Variants in MEMO1 observed in about 807,000 individuals in gnomAD.
MEMO1 encodes mediator of cell motility 1.
MEMO1 carries 6 observed loss-of-function variants against 45.2 expected under a neutral mutation model. That is an observed-to-expected ratio of 0.13 (90% CI 0.07 to 0.26). The LOEUF (loss-of-function observed/expected upper bound fraction) is 0.26. Ranked by LOEUF, MEMO1 falls within the 10% of genes least tolerant of loss-of-function variation. The probability of loss-of-function intolerance (pLI) is 1.00; values close to 1 mark genes in which losing one functional copy is unlikely to be tolerated. For missense variants in MEMO1, 184 were observed against 370.5 expected, an observed-to-expected ratio of 0.50 and a Z score of 4.13; for synonymous variants, 78 against 124.3, an observed-to-expected ratio of 0.63 and a Z score of 2.48.
At chr2:31,995,864 T>C (rs1029919651) in intron 2 of MEMO1, among the ~76,000 whole-genome samples, 7 of 151,904 alleles carry the variant, frequency 4.6e-5, no homozygotes, top group Non-Finnish European at 8.8e-5. Context: ...AAGTAAGAAA[T>C]TGTCAAGCGA....
At chr2:31,970,670 T>A (rs1372694912) in intron 2 of MEMO1, among the ~76,000 whole-genome samples, 2 of 151,472 alleles carry the variant, frequency 1.3e-5, no homozygotes, top group African/African-American at 2.4e-5. Flanking sequence ...CACAAAACAC[T>A]TTTTATTAAT....
intron 6 of MEMO1, among the ~76,000 whole-genome samples, chr2:31,899,813 C>G (rs1028036399): frequency 5.9e-5 from 9 of 152,038 alleles, no homozygotes; most frequent in African/African-American, 2.2e-4. Context: ...CTAGAATCTA[C>G]GAAGAACTTA....
chr2:31,955,012 G>A (rs1187505325), intron 2 of MEMO1, among the ~76,000 whole-genome samples: 3 of 151,922 alleles, frequency 2.0e-5, no homozygotes, highest in Admixed American at 1.3e-4. Context: ...AGTCCAAAGA[G>A]GGAGGATCAC....
At chr2:31,871,427 A>T (rs1673709376) in intron 8 of MEMO1, among the ~76,000 whole-genome samples, 1 of 152,178 alleles carries the variant, frequency 6.6e-6, no homozygotes, top group Non-Finnish European at 1.5e-5. Context: ...CAGCATCAAA[A>T]TTTAATTCTA....
chr2:32,002,268 CACATATATACATGT>C (rs1372610963), intron 2 of MEMO1, among the ~76,000 whole-genome samples: 7 of 137,540 alleles, frequency 5.1e-5, no homozygotes, highest in Non-Finnish European at 1.1e-4. Flanking sequence ...TATATACATA[CACATATATACATGT>C]ACATATATAC....
Position 31,868,503 on chromosome 2 carries a change from G to C in MEMO1, c.763-11C>G. Reference sequence around the variant, plus strand: ...GAGCTCTGTGATAGCCTAGAAAAAAGAAAAATTTGGTTAGGACACACATCA... The same window carrying C: ...GAGCTCTGTGATAGCCTAGAAAAAACAAAAATTTGGTTAGGACACACATCA... On this transcript the variant is annotated splice_polypyrimidine_tract_variant and intron_variant, in intron 9 of 9. Coordinates refer to ENST00000404530, the MANE Select transcript of MEMO1 (RefSeq NM_001301833.4). 1 of 1,589,104 alleles carries C rather than the reference G, an allele frequency of 6.3e-7. No individual in the cohort carries two copies. The highest frequency in any genetic ancestry group is 8.6e-7 in the Non-Finnish European group (1 of 1,169,146).
At chr2:31,911,082 AG>A (rs770087403) in intron 6 of MEMO1, among the ~76,000 whole-genome samples, 1 of 152,122 alleles carries the variant, frequency 6.6e-6, no homozygotes, top group African/African-American at 2.4e-5. Flanking sequence ...AGAAAAGGAT[AG>A]TAAGTAAGGT....
At position 31,903,692 on chromosome 2, in the gene MEMO1, G is replaced by C. The variant is rs1679225297; in HGVS notation, c.438-11558C>G. Reference sequence around the variant, plus strand: ...AACATACAGAAAAAGAGGAAACTGAGAAACATAAAGTTACATTTGCTCTAA... The same window carrying C: ...AACATACAGAAAAAGAGGAAACTGACAAACATAAAGTTACATTTGCTCTAA... On this transcript the variant is annotated intron_variant, in intron 6 of 9. Transcript: ENST00000404530. Among the ~76,000 whole-genome samples the C allele has an allele frequency of 3.3e-5, 5 of 152,164 alleles. 2 individuals carry two copies. Among genetic ancestry groups the C allele is most frequent in the Middle Eastern group, 3.4e-3 (1 of 294 alleles).
chr2:31,881,416 G>A (rs1675339792), intron 8 of MEMO1, among the ~76,000 whole-genome samples: 1 of 148,022 alleles, frequency 6.8e-6, no homozygotes. Context: ...GACTGCCTGA[G>A]CCTGGGAGGT....
At chr2:31,994,013 T>C (rs1292857239) in intron 2 of MEMO1, among the ~76,000 whole-genome samples, 1 of 132,662 alleles carries the variant, frequency 7.5e-6, no homozygotes, top group Non-Finnish European at 1.5e-5. Flanking sequence ...CAGGCTTGAG[T>C]GCAGTGACAT....
chr2:31,893,466 G>T (rs1311315045), intron 6 of MEMO1: 1 of 672,338 alleles, frequency 1.5e-6, no homozygotes, highest in Non-Finnish European at 1.9e-6. Context: ...TGAAAGAAAA[G>T]AATTAATTAT....
intron 2 of MEMO1, among the ~76,000 whole-genome samples, chr2:31,971,777 C>A (rs1168638941): frequency 6.6e-6 from 1 of 152,142 alleles, no homozygotes; most frequent in Non-Finnish European, 1.5e-5. Context: ...CAAGACCAGC[C>A]TGGCCAACAT....
At chr2:31,897,832 G>T (rs930303945) in intron 6 of MEMO1, among the ~76,000 whole-genome samples, 2 of 152,078 alleles carry the variant, frequency 1.3e-5, no homozygotes, top group African/African-American at 4.8e-5. Flanking sequence ...ATTCAGCTAT[G>T]AATGCATCTG....
chr2:31,871,933 G>A (rs1196408938), intron 8 of MEMO1, among the ~76,000 whole-genome samples: 1 of 151,548 alleles, frequency 6.6e-6, no homozygotes, highest in Non-Finnish European at 1.5e-5. Context: ...AGAATCGCTT[G>A]AACCTGGGAA....
chr2:31,994,531 G>A (rs1375089484), intron 2 of MEMO1, among the ~76,000 whole-genome samples: 2 of 151,740 alleles, frequency 1.3e-5, no homozygotes, highest in East Asian at 3.9e-4. Flanking sequence ...TCAGGAGGCT[G>A]AGGCACAAGA....
chr2:31,925,370 G>A (rs1227972312), intron 4 of MEMO1, among the ~76,000 whole-genome samples: 2 of 151,394 alleles, frequency 1.3e-5, no homozygotes, highest in Non-Finnish European at 2.9e-5. Flanking sequence ...CAGCTACTCA[G>A]GAGGCTGAGG....
At chr2:31,958,101 A>C (rs1258526376) in intron 2 of MEMO1, among the ~76,000 whole-genome samples, 2 of 152,136 alleles carry the variant, frequency 1.3e-5, no homozygotes, top group East Asian at 3.9e-4. Context: ...GGAATAAAAA[A>C]AGGTAATCAG....
intron 3 of MEMO1, among the ~76,000 whole-genome samples, chr2:31,937,370 T>C (rs984587075): frequency 1.3e-5 from 2 of 152,212 alleles, no homozygotes; most frequent in African/African-American, 4.8e-5. Flanking sequence ...TAGATATTTT[T>C]TGTACTGTCA....
At chr2:31,964,288 C>T (rs1290097128) in intron 2 of MEMO1, among the ~76,000 whole-genome samples, 2 of 150,788 alleles carry the variant, frequency 1.3e-5, no homozygotes, top group Admixed American at 6.6e-5. Context: ...TGCAAGAAAA[C>T]GAGAAAGTGA....
Sources: gnomAD v4.1 joint callset for allele counts (sites outside exome capture counted in the v4.1 genomes callset) on GRCh38, gnomAD v4.1.1 for gene constraint, MANE v1.5 for transcripts, NCBI Gene and HGNC (gene_info 2026-07-23, HGNC 2026-07-21) for gene names.